Variants in VAT1L observed in about 807,000 individuals in gnomAD.
VAT1L encodes the protein putative NADPH-dependent quinone oxidoreductase VAT1L.
In VAT1L, 34 loss-of-function variants were observed where a neutral mutation model predicts 44.1. The ratio of observed to expected loss-of-function variants is 0.77; its 90% CI spans 0.59 to 1.03. The LOEUF (loss-of-function observed/expected upper bound fraction) is 1.03, where lower values mean the gene tolerates loss of function less well. Among genes scored for constraint, VAT1L ranks in the 50% least tolerant of loss-of-function variants. The pLI is 0.00. For missense variants in VAT1L, 615 were observed against 538.8 expected (o/e 1.14, Z -1.40); for synonymous variants, 253 against 202.2 (o/e 1.25, Z -2.13).
At chr16:77,844,421 T>G (rs2016737890) in intron 3 of VAT1L, among the ~76,000 whole-genome samples, 1 of 152,122 alleles carries the variant, frequency 6.6e-6, no homozygotes, top group South Asian at 2.1e-4. Context: ...TTTTTTTATT[T>G]TTTCTGAGAT....
intron 3 of VAT1L, among the ~76,000 whole-genome samples, chr16:77,833,619 C>T (rs1225467265): frequency 1.5e-4 from 23 of 152,158 alleles, no homozygotes; most frequent in Admixed American, 1.0e-3. Context: ...GGCATGGTGG[C>T]GTGTGCCTGT....
chr16:77,846,403 A>G (rs970764982), intron 3 of VAT1L, among the ~76,000 whole-genome samples: 6 of 152,136 alleles, frequency 3.9e-5, no homozygotes, highest in African/African-American at 1.4e-4. Context: ...GAACCCTTTG[A>G]CCTCACGATT....
intron 3 of VAT1L, 51 bp from the exon 4 acceptor site, chr16:77,862,697 T>C: frequency 6.4e-7 from 1 of 1,568,758 alleles, no homozygotes; most frequent in East Asian, 2.3e-5. Flanking sequence ...CAAGACTGGC[T>C]ATGATCTGGT....
intron 7 of VAT1L, among the ~76,000 whole-genome samples, chr16:77,955,116 G>A (rs1455772593): frequency 6.6e-6 from 1 of 152,150 alleles, no homozygotes; most frequent in Non-Finnish European, 1.5e-5. Flanking sequence ...AATCCCCTGT[G>A]TGCAACATGT....
chr16:77,821,771 GCT>G (rs146181670), intron 2 of VAT1L, among the ~76,000 whole-genome samples: 2,549 of 151,956 alleles, frequency 0.017, 77 homozygotes, highest in African/African-American at 0.057. Flanking sequence ...CACACAAGCA[GCT>G]CTCAATAAAC....
intron 7 of VAT1L, among the ~76,000 whole-genome samples, chr16:77,907,070 T>A (rs4887924): frequency 0.059 from 9,020 of 152,220 alleles, 391 homozygotes; most frequent in East Asian, 0.2. Context: ...AAATATTAAA[T>A]ATTTTAACAA....
intron 2 of VAT1L, among the ~76,000 whole-genome samples, chr16:77,819,524 G>A (rs1212069931): frequency 2.0e-5 from 3 of 152,036 alleles, no homozygotes; most frequent in African/African-American, 7.2e-5. Context: ...TGGGATTATA[G>A]GTGCCTGCCA....
chr16:77,842,546 T>C (rs1246169533), intron 3 of VAT1L, among the ~76,000 whole-genome samples: 1 of 152,162 alleles, frequency 6.6e-6, no homozygotes, highest in East Asian at 1.9e-4. Flanking sequence ...AATAGGAGTT[T>C]TCTAGGTAGC....
At chr16:77,943,358 T>C (rs1029934667) in intron 7 of VAT1L, among the ~76,000 whole-genome samples, 1 of 150,902 alleles carries the variant, frequency 6.6e-6, no homozygotes, top group African/African-American at 2.4e-5. Context: ...ACCACCGCAC[T>C]TGGCCTATTT....
intron 7 of VAT1L, among the ~76,000 whole-genome samples, chr16:77,922,660 T>G (rs2017624836): frequency 6.6e-6 from 1 of 152,184 alleles, no homozygotes. Context: ...GGTATTAAAG[T>G]GAATGCCACT....
chr16:77,919,545 C>T (rs983327366), intron 7 of VAT1L, among the ~76,000 whole-genome samples: 33 of 152,152 alleles, frequency 2.2e-4, no homozygotes, highest in African/African-American at 3.4e-4. Context: ...CGTTACTGAG[C>T]GAGTCTGAAC....
intron 3 of VAT1L, among the ~76,000 whole-genome samples, chr16:77,837,197 C>G (rs532302550): frequency 6.6e-6 from 1 of 152,246 alleles, no homozygotes; most frequent in African/African-American, 2.4e-5. Context: ...ACTTTGCCTC[C>G]GTGAGTTAAG....
At position 77,940,238 on chromosome 16, in the gene VAT1L, T is replaced by C. The variant is rs1453244537; in HGVS notation, c.1078-31612T>C. On this transcript the variant is annotated intron_variant, in intron 7 of 8. Transcript: ENST00000302536. ...GCATCAAAATTTCCACCATGGCCAA[T>C]TTCAAGCTACAAATGTGCTATCAAC... Among the ~76,000 whole-genome samples, 5 of 152,310 alleles carry C rather than the reference T, an allele frequency of 3.3e-5. No homozygotes were observed. In the East Asian group the frequency reaches 9.6e-4, roughly 29 times the overall value.
chr16:77,930,336 T>C (rs2017715194), intron 7 of VAT1L, among the ~76,000 whole-genome samples: 1 of 152,198 alleles, frequency 6.6e-6, no homozygotes, highest in South Asian at 2.1e-4. Context: ...TGGGGGGACA[T>C]GGCTTAGCTG....
chr16:77,951,279 C>T (rs1416375122), intron 7 of VAT1L, among the ~76,000 whole-genome samples: 1 of 152,218 alleles, frequency 6.6e-6, no homozygotes, highest in Non-Finnish European at 1.5e-5. Flanking sequence ...GGTGTAGTGG[C>T]TCACGCCTGT....
intron 1 of VAT1L, among the ~76,000 whole-genome samples, chr16:77,811,813 C>T (rs138486901): frequency 1.3e-5 from 2 of 152,154 alleles, no homozygotes; most frequent in Admixed American, 1.3e-4. Context: ...TAGCTTTTAA[C>T]TCTTATATAA....
At chr16:77,881,259 T>C (rs1000212687) in intron 6 of VAT1L, among the ~76,000 whole-genome samples, 5 of 152,212 alleles carry the variant, frequency 3.3e-5, no homozygotes, top group Non-Finnish European at 7.3e-5. Context: ...GATCCACTCA[T>C]TTGACAGGCA....
intron 3 of VAT1L, among the ~76,000 whole-genome samples, chr16:77,855,790 C>T (rs1038120942): frequency 1.3e-5 from 2 of 152,122 alleles, no homozygotes; most frequent in East Asian, 1.9e-4. Flanking sequence ...GAAGCCAAGG[C>T]GGGCGGATCA....
At chr16:77,868,347 A>G (rs2016997035) in intron 4 of VAT1L, among the ~76,000 whole-genome samples, 1 of 152,182 alleles carries the variant, frequency 6.6e-6, no homozygotes, top group Admixed American at 6.5e-5. Context: ...CAAACAGACT[A>G]CGAAGATACA....
Sources: gnomAD v4.1 joint callset for allele counts (sites outside exome capture counted in the v4.1 genomes callset) on GRCh38, gnomAD v4.1.1 for gene constraint, MANE v1.5 for transcripts, NCBI Gene and HGNC (gene_info 2026-07-23, HGNC 2026-07-21) for gene names.